Variants in EPC1 observed in about 807,000 individuals in gnomAD.
EPC1 encodes the protein enhancer of polycomb homolog 1.
In EPC1, 12 loss-of-function variants were observed where a neutral mutation model predicts 98.4. The observed-to-expected ratio is 0.12, with a 90% CI of 0.08 to 0.20. EPC1 has a LOEUF of 0.20. Among genes scored for constraint, EPC1 ranks in the 10% least tolerant of loss-of-function variants. EPC1 has a pLI of 1.00. For synonymous variants in EPC1, 357 were observed against 363.9 expected (o/e 0.98, Z 0.21); for missense variants, 729 against 990.5 (o/e 0.74, Z 3.54).
chr10:32,292,918 A>G (rs965727771), intron 4 of EPC1, 70 bp downstream of exon 4: 1 of 1,031,754 alleles, frequency 9.7e-7, no homozygotes. Flanking sequence ...AAACCACAGT[A>G]TTGAGACAGT....
chr10:32,309,427 TAAA>T (rs1836068389), intron 1 of EPC1, among the ~76,000 whole-genome samples: 1 of 151,312 alleles, frequency 6.6e-6, no homozygotes, highest in South Asian at 2.1e-4. Context: ...CCCATAATAA[TAAA>T]AAATTTAAAA....
At chr10:32,324,656 T>G (rs889542443) in intron 1 of EPC1, among the ~76,000 whole-genome samples, 10 of 152,010 alleles carry the variant, frequency 6.6e-5, no homozygotes, top group Admixed American at 6.6e-4. Context: ...AAGATATTCT[T>G]TCTCCTACTA....
intron 1 of EPC1, among the ~76,000 whole-genome samples, chr10:32,364,571 C>A (rs1388251148): frequency 2.0e-5 from 3 of 152,204 alleles, no homozygotes; most frequent in Non-Finnish European, 4.4e-5. Flanking sequence ...ATCTCCTCAA[C>A]TTTGAAAAGA....
At chr10:32,374,487 C>T (rs895425142) in intron 1 of EPC1, 1 of 152,070 alleles carries the variant, frequency 6.6e-6, no homozygotes, top group African/African-American at 2.4e-5. Flanking sequence ...TTTCATTTCT[C>T]ATTTTGCAAT....
chr10:32,275,555 A>AGGAGATTGAGACCATCCT (rs1410960960), intron 10 of EPC1, among the ~76,000 whole-genome samples: 1 of 151,800 alleles, frequency 6.6e-6, no homozygotes, highest in Non-Finnish European at 1.5e-5. Context: ...TCATTAGGTC[A>AGGAGATTGAGACCATCCT]GGAGATTGAG....
chr10:32,296,052 G>A (rs529460693), intron 2 of EPC1, among the ~76,000 whole-genome samples: 2 of 151,530 alleles, frequency 1.3e-5, no homozygotes, highest in South Asian at 2.1e-4. Context: ...GCCTTCCAAC[G>A]AGCTGGGATT....
intron 1 of EPC1, among the ~76,000 whole-genome samples, chr10:32,362,273 G>A (rs1473906124): frequency 6.6e-6 from 1 of 151,992 alleles, no homozygotes; most frequent in Non-Finnish European, 1.5e-5. Context: ...TTAGATATGT[G>A]TCCCTGCCAA....
intron 1 of EPC1, among the ~76,000 whole-genome samples, chr10:32,352,519 C>T (rs1839145112): frequency 6.6e-6 from 1 of 152,154 alleles, no homozygotes. Flanking sequence ...TGTTATTATT[C>T]TTCAAAATCC....
chr10:32,374,544 T>G (rs989984852), intron 1 of EPC1: 3 of 152,184 alleles, frequency 2.0e-5, no homozygotes, highest in Admixed American at 1.3e-4. Context: ...TTGGGTTATA[T>G]CTAAAGCTTA....
chr10:32,340,594 C>G (rs190897770), intron 1 of EPC1, among the ~76,000 whole-genome samples: 1 of 152,212 alleles, frequency 6.6e-6, no homozygotes, highest in African/African-American at 2.4e-5. Flanking sequence ...CTTTGGGAGA[C>G]CAAGGTGGGT....
chr10:32,335,549 T>C (rs1837905747), intron 1 of EPC1, among the ~76,000 whole-genome samples: 2 of 152,050 alleles, frequency 1.3e-5, no homozygotes, highest in Non-Finnish European at 2.9e-5. Context: ...CTCTCCTTGC[T>C]TCCCATTGCC....
At chr10:32,330,463 C>T (rs767915469) in intron 1 of EPC1, among the ~76,000 whole-genome samples, 33 of 152,180 alleles carry the variant, frequency 2.2e-4, no homozygotes, top group Non-Finnish European at 4.0e-4. Flanking sequence ...ATTTACATCA[C>T]AAGTATGCCT....
At chr10:32,372,174 A>C (rs1433193408) in intron 1 of EPC1, among the ~76,000 whole-genome samples, 1 of 152,060 alleles carries the variant, frequency 6.6e-6, no homozygotes, top group African/African-American at 2.4e-5. Flanking sequence ...AAGAAATGAA[A>C]ATTCTCATGC....
At chr10:32,305,116 C>A (rs535045779) in intron 2 of EPC1, among the ~76,000 whole-genome samples, 1 of 152,304 alleles carries the variant, frequency 6.6e-6, no homozygotes, top group South Asian at 2.1e-4. Context: ...ACGATCACTG[C>A]TTATGAAGAA....
intron 1 of EPC1, among the ~76,000 whole-genome samples, chr10:32,308,989 T>C (rs565457825): frequency 6.6e-6 from 1 of 152,086 alleles, no homozygotes; most frequent in Non-Finnish European, 1.5e-5. Context: ...TGCAACAACA[T>C]GGATGGAACT....
chr10:32,353,361 T>G (rs1476938317), intron 1 of EPC1, among the ~76,000 whole-genome samples: 1 of 152,136 alleles, frequency 6.6e-6, no homozygotes, highest in Non-Finnish European at 1.5e-5. Flanking sequence ...TGGGCATGTT[T>G]GTATACTAAA....
chr10:32,345,767 T>A, intron 1 of EPC1: 1 of 289,508 alleles, frequency 3.5e-6, no homozygotes, highest in Non-Finnish European at 5.2e-6. Context: ...ATCTCAATAT[T>A]AAGATTTCTG....
intron 1 of EPC1, among the ~76,000 whole-genome samples, chr10:32,337,054 A>G (rs1383746892): frequency 1.3e-5 from 2 of 152,202 alleles, no homozygotes; most frequent in East Asian, 3.9e-4. Flanking sequence ...GATGCTAAAC[A>G]CTGAGCTTTA....
At chr10:32,290,809 G>A (rs1836977154) in intron 6 of EPC1, among the ~76,000 whole-genome samples, 1 of 150,802 alleles carries the variant, frequency 6.6e-6, no homozygotes, top group Non-Finnish European at 1.5e-5. Flanking sequence ...GAGTCTTGCT[G>A]TGTCACCCAG....
Sources: gnomAD v4.1 joint callset for allele counts (sites outside exome capture counted in the v4.1 genomes callset) on GRCh38, gnomAD v4.1.1 for gene constraint, MANE v1.5 for transcripts, NCBI Gene and HGNC (gene_info 2026-07-23, HGNC 2026-07-21) for gene names.